CDC14B: variants seen among roughly 807,000 people sequenced by gnomAD.
CDC14B encodes cell division cycle 14B, also known as dual specificity protein phosphatase CDC14B.
In CDC14B, 22 loss-of-function variants were observed where a neutral mutation model predicts 64.2. That is an observed-to-expected ratio of 0.34 (90% CI 0.24 to 0.49). CDC14B has a LOEUF of 0.49. CDC14B is among the 20% of genes least tolerant of loss of function. The probability of loss-of-function intolerance (pLI) is 0.99; values close to 1 mark genes in which losing one functional copy is unlikely to be tolerated. For missense variants in CDC14B, 498 were observed against 629.9 expected (o/e 0.79, Z 2.24); for synonymous variants, 191 against 215.8 (o/e 0.89, Z 1.01).
chr9:96,549,160 C>T (rs1481783716), intron 5 of CDC14B, among the ~76,000 whole-genome samples: 1 of 151,882 alleles, frequency 6.6e-6, no homozygotes, highest in African/African-American at 2.4e-5. Context: ...TAGTACTATA[C>T]TATTACATAT....
At chr9:96,506,547 G>T (rs981170316) in intron 13 of CDC14B, among the ~76,000 whole-genome samples, 13 of 152,214 alleles carry the variant, frequency 8.5e-5, no homozygotes, top group African/African-American at 3.1e-4. Context: ...GTGAGTCCCA[G>T]TTAATCCTCA....
chr9:96,509,702 T>C lies in CDC14B; in HGVS notation c.1431A>G (p.Arg477=). The change falls in exon 13 of 14, where the codon AGA becomes AGG. Residue 477 remains arginine (R), a synonymous_variant. Coordinates refer to ENST00000375241, the MANE Select transcript of CDC14B (RefSeq NM_033331.4). ...TAACACTGCTTTTCCTTGAAGCAGATCTGGTGGTTCTTTTAGTAATGCCTG... is the reference window on the plus strand; with the variant it reads ...TAACACTGCTTTTCCTTGAAGCAGACCTGGTGGTTCTTTTAGTAATGCCTG... ...GSAGITKRTT[R]SASRKSSVKS... 6.2e-7 allele frequency: 1 copy of C among 1,610,690 alleles called. No individual in the cohort carries two copies. Among genetic ancestry groups the C allele is most frequent in the Non-Finnish European group, 8.5e-7 (1 of 1,176,886 alleles).
intron 1 of CDC14B, among the ~76,000 whole-genome samples, chr9:96,592,597 A>G (rs1163985008): frequency 6.6e-6 from 1 of 152,064 alleles, no homozygotes; most frequent in African/African-American, 2.4e-5. Context: ...AACATAGTGA[A>G]ACCCTGTCTC....
intron 1 of CDC14B, among the ~76,000 whole-genome samples, chr9:96,585,309 G>A (rs1034191236): frequency 1.3e-5 from 2 of 151,226 alleles, no homozygotes; most frequent in South Asian, 4.2e-4. Flanking sequence ...CGTCATCTAG[G>A]TTTTAAGCCC....
intron 1 of CDC14B, among the ~76,000 whole-genome samples, chr9:96,579,500 G>T (rs1039422472): frequency 1.3e-5 from 2 of 151,828 alleles, no homozygotes; most frequent in Non-Finnish European, 2.9e-5. Context: ...GCAGGAGAAC[G>T]GCCTGAACCC....
At chr9:96,588,539 C>T (rs1367977772) in intron 1 of CDC14B, among the ~76,000 whole-genome samples, 1 of 152,092 alleles carries the variant, frequency 6.6e-6, no homozygotes, top group African/African-American at 2.4e-5. Context: ...CAGGCTGGAG[C>T]GCAGTGGCGT....
chr9:96,535,538 A>G (rs541147327), intron 7 of CDC14B, among the ~76,000 whole-genome samples: 1 of 152,336 alleles, frequency 6.6e-6, no homozygotes, highest in Admixed American at 6.5e-5. Context: ...TCTTAATGAA[A>G]TGGACAACAG....
intron 10 of CDC14B, 42 bp downstream of exon 10, chr9:96,523,545 C>T: frequency 6.2e-7 from 1 of 1,611,904 alleles, no homozygotes; most frequent in Non-Finnish European, 8.5e-7. Context: ...GATTCCAACC[C>T]CACATGTTCC....
chr9:96,555,357 AGC>A (rs1842370274), intron 4 of CDC14B, among the ~76,000 whole-genome samples: 1 of 152,230 alleles, frequency 6.6e-6, no homozygotes, highest in Non-Finnish European at 1.5e-5. Flanking sequence ...GCCTCCTGCC[AGC>A]AATCGGCACT....
intron 1 of CDC14B, among the ~76,000 whole-genome samples, chr9:96,588,589 C>T (rs752209052): frequency 2.0e-5 from 3 of 152,094 alleles, no homozygotes; most frequent in East Asian, 1.9e-4. Context: ...TGGGCTCAAG[C>T]GATTCTCCCA....
downstream of CDC14B, among the ~76,000 whole-genome samples, chr9:96,498,469 C>T (rs1833343045): frequency 6.6e-6 from 1 of 152,228 alleles, no homozygotes; most frequent in Non-Finnish European, 1.5e-5. Flanking sequence ...GCTCCTCTCC[C>T]ATGGCCCAAG....
Position 96,515,825 on chromosome 9 carries a change from T to G in CDC14B, c.1344-6036A>C, listed in dbSNP as rs1835571613. 1 of 1,538,202 alleles carries G rather than the reference T, an allele frequency of 6.5e-7. No homozygotes were observed. The highest frequency in any genetic ancestry group is 8.8e-7 in the Non-Finnish European group (1 of 1,141,232). On this transcript the variant is annotated intron_variant, in intron 12 of 13. Transcript: ENST00000375241. The surrounding 1 kb of genome is among the most constrained non-coding windows in gnomAD (Gnocchi z 4.3). ...GGGGTGAAGGGGAAAGAACAGATGTTCAAATTGGGAAGCCAAAATAAATTA... is the reference window on the plus strand; with the variant it reads ...GGGGTGAAGGGGAAAGAACAGATGTGCAAATTGGGAAGCCAAAATAAATTA...
chr9:96,537,265 G>A (rs1048633854), intron 7 of CDC14B, among the ~76,000 whole-genome samples: 3 of 152,096 alleles, frequency 2.0e-5, no homozygotes, highest in African/African-American at 7.2e-5. Flanking sequence ...TCCAGCCTGG[G>A]CAGCAGAGTG....
At chr9:96,603,014 A>G (rs991652401) in intron 1 of CDC14B, among the ~76,000 whole-genome samples, 1 of 152,140 alleles carries the variant, frequency 6.6e-6, no homozygotes, top group Non-Finnish European at 1.5e-5. Context: ...CTGGATGGAA[A>G]CCAGAAGCTT....
intron 1 of CDC14B, among the ~76,000 whole-genome samples, chr9:96,588,272 TACA>T (rs1845571160): frequency 6.6e-6 from 1 of 152,154 alleles, no homozygotes; most frequent in African/African-American, 2.4e-5. Flanking sequence ...AGCCGGCTTT[TACA>T]ACAACACATT....
chr9:96,494,972 C>T (rs1194692293), intron 13 of CDC14B, among the ~76,000 whole-genome samples: 1 of 151,438 alleles, frequency 6.6e-6, no homozygotes, highest in African/African-American at 2.4e-5. Flanking sequence ...GTAGCTGGGA[C>T]TACAGGTACC....
chr9:96,580,029 T>C (rs1256976618), intron 1 of CDC14B, among the ~76,000 whole-genome samples: 1 of 151,712 alleles, frequency 6.6e-6, no homozygotes, highest in Non-Finnish European at 1.5e-5. Context: ...TTACACACAG[T>C]CCGATGAAAA....
chr9:96,507,804 G>A (rs1160392853), intron 13 of CDC14B, among the ~76,000 whole-genome samples: 2 of 151,648 alleles, frequency 1.3e-5, no homozygotes, highest in African/African-American at 4.8e-5. Flanking sequence ...AAAATAAGAC[G>A]ATAAAAAAGA....
chr9:96,520,673 T>C, intron 12 of CDC14B, among the ~76,000 whole-genome samples: 1 of 152,206 alleles, frequency 6.6e-6, no homozygotes, highest in South Asian at 2.1e-4. Flanking sequence ...CTGATGATGC[T>C]GATTCTGAAA....
Sources: allele counts gnomAD v4.1 joint callset (sites outside exome capture counted in the v4.1 genomes callset), GRCh38; gene constraint gnomAD v4.1.1; non-coding constraint Gnocchi (gnomAD v3.1); transcripts MANE v1.5; gene names NCBI Gene and HGNC (gene_info 2026-07-23, HGNC 2026-07-21).